The following FANK1 variants were observed in gnomAD, a reference collection of about 807,000 sequenced individuals.
The protein encoded by FANK1 is fibronectin type 3 and ankyrin repeat domains protein 1.
A neutral mutation model predicts 45.3 loss-of-function variants in FANK1; 44 were observed. The observed-to-expected ratio is 0.97, with a 90% CI of 0.76 to 1.25. FANK1 has a LOEUF of 1.25. FANK1 is among the 50% of genes most tolerant of loss of function. The probability of loss-of-function intolerance (pLI) is 0.00; values close to 1 mark genes in which losing one functional copy is unlikely to be tolerated. For synonymous variants in FANK1, 149 were observed against 152.5 expected (o/e 0.98, Z 0.17); for missense variants, 391 against 424.4 (o/e 0.92, Z 0.69).
rs1428791696 is a variant in FANK1 at position 125,919,223 on chromosome 10, T to TTTG, written c.13+22568_13+22569insTTG. Among the ~76,000 whole-genome samples, 146 of 133,326 alleles carry TTTG rather than the reference T, an allele frequency of 1.1e-3. 1 individual carries two copies. The highest frequency in any genetic ancestry group is 4.1e-3 in the African/African-American group (137 of 33,056). The allele number at this position is 133,326 out of a possible 152,430, so 87.5% of individuals were successfully genotyped here. The stretch of plus-strand genomic sequence containing the variant: ...TTTTTTTTTTTTTTTTTTTTTTTTT[T>TTTG]GTGACAGAGTCTTGCTCTGTCCCGC... On this transcript the variant is annotated intron_variant, in intron 1 of 10. Transcript: ENST00000368693.
intron 1 of FANK1, among the ~76,000 whole-genome samples, chr10:125,942,391 A>G (rs979129634): frequency 1.3e-5 from 2 of 152,218 alleles, no homozygotes; most frequent in African/African-American, 4.8e-5. Context: ...TAAAAGAACA[A>G]TTTATTCTTA....
intron 1 of FANK1, among the ~76,000 whole-genome samples, chr10:125,908,797 A>G (rs1945753286): frequency 1.3e-5 from 2 of 152,246 alleles, no homozygotes. Context: ...AAAAAAGAAC[A>G]TGTATTTTCT....
At chr10:125,924,405 C>T (rs1204732515) in intron 1 of FANK1, among the ~76,000 whole-genome samples, 1 of 151,790 alleles carries the variant, frequency 6.6e-6, no homozygotes, top group Non-Finnish European at 1.5e-5. Flanking sequence ...AGGTGTGCAC[C>T]ACCACGCCCA....
At chr10:125,943,004 G>C (rs1283989294) in intron 1 of FANK1, among the ~76,000 whole-genome samples, 1 of 151,760 alleles carries the variant, frequency 6.6e-6, no homozygotes, top group Non-Finnish European at 1.5e-5. Context: ...AATAGAGATG[G>C]GGTTTCACCA....
chr10:125,952,584 C>T (rs751696578), intron 1 of FANK1, among the ~76,000 whole-genome samples: 19 of 152,004 alleles, frequency 1.2e-4, no homozygotes, highest in Non-Finnish European at 2.2e-4. Context: ...CTTCTCTGTG[C>T]CTGGAAAATT....
chr10:125,943,696 G>A (rs1012755937), intron 1 of FANK1, among the ~76,000 whole-genome samples: 3 of 152,146 alleles, frequency 2.0e-5, no homozygotes, highest in African/African-American at 7.2e-5. Context: ...AAGATGTTGT[G>A]TACTTTGTGC....
Position 125,953,957 on chromosome 10 carries a change from A to G in FANK1, c.14-26204A>G, listed in dbSNP as rs558122928. ...CACTTAAAGGATTTCTCAGCAAGGC[A>G]AAATTTACTTCTGCAGAAGGGTGCT... On this transcript the variant is annotated intron_variant, in intron 1 of 10. Transcript: ENST00000368693. Among the ~76,000 whole-genome samples, 53 of 152,332 alleles carry G rather than the reference A, an allele frequency of 3.5e-4. No individual in the cohort carries two copies. The South Asian group carries it at 4.4e-3, about 13-fold the overall frequency.
At chr10:125,902,281 C>A (rs1462486210) in intron 1 of FANK1, among the ~76,000 whole-genome samples, 1 of 152,176 alleles carries the variant, frequency 6.6e-6, no homozygotes, top group Non-Finnish European at 1.5e-5. Context: ...ATAAAAAATT[C>A]TACTTTCTTC....
chr10:125,943,999 CTGAT>C (rs1187869591), intron 1 of FANK1, among the ~76,000 whole-genome samples: 2 of 152,206 alleles, frequency 1.3e-5, no homozygotes, highest in African/African-American at 4.8e-5. Context: ...TTTTACGTGA[CTGAT>C]TGCAAATGCA....
chr10:125,951,672 A>C (rs1949243508), intron 1 of FANK1, among the ~76,000 whole-genome samples: 1 of 152,220 alleles, frequency 6.6e-6, no homozygotes, highest in Non-Finnish European at 1.5e-5. Context: ...TTCAACCATC[A>C]GAGTTTTTAG....
intron 1 of FANK1, among the ~76,000 whole-genome samples, chr10:125,974,383 C>A (rs952920534): frequency 6.6e-6 from 1 of 152,134 alleles, no homozygotes; most frequent in Non-Finnish European, 1.5e-5. Context: ...AAGGGAAATA[C>A]AAGATCCTTT....
At chr10:126,006,729 G>A (rs1000174271) in intron 7 of FANK1, among the ~76,000 whole-genome samples, 3 of 152,100 alleles carry the variant, frequency 2.0e-5, no homozygotes, top group Admixed American at 1.3e-4. Context: ...GCGTGGTGGT[G>A]GGCACCTGTA....
chr10:126,003,039 C>T (rs1437355548), intron 6 of FANK1, among the ~76,000 whole-genome samples: 3 of 151,796 alleles, frequency 2.0e-5, no homozygotes, highest in East Asian at 1.9e-4. Flanking sequence ...TGGGGTGAGA[C>T]GTTCCCACAT....
chr10:125,952,530 G>C (rs1433353136), intron 1 of FANK1, among the ~76,000 whole-genome samples: 1 of 152,108 alleles, frequency 6.6e-6, no homozygotes, highest in Non-Finnish European at 1.5e-5. Flanking sequence ...GATCACCCTT[G>C]TGTGTATCAG....
intron 6 of FANK1, among the ~76,000 whole-genome samples, chr10:125,999,218 G>A (rs1206510520): frequency 1.4e-5 from 1 of 69,744 alleles, no homozygotes; most frequent in Non-Finnish European, 2.7e-5. Context: ...TTTTTTTTTT[G>A]AGACGGAATC....
chr10:126,002,929 A>G (rs375739149), intron 6 of FANK1, among the ~76,000 whole-genome samples: 1 of 151,968 alleles, frequency 6.6e-6, no homozygotes, highest in East Asian at 1.9e-4. Context: ...TAATTCCTTA[A>G]TATCACTGAT....
intron 1 of FANK1, among the ~76,000 whole-genome samples, chr10:125,937,523 A>G (rs995104469): frequency 6.6e-6 from 1 of 152,188 alleles, no homozygotes; most frequent in African/African-American, 2.4e-5. Flanking sequence ...TTTCATGTAT[A>G]AGCTTTAAGA....
At chr10:125,932,664 A>G (rs1947828821) in intron 1 of FANK1, among the ~76,000 whole-genome samples, 1 of 152,186 alleles carries the variant, frequency 6.6e-6, no homozygotes, top group Admixed American at 6.5e-5. Context: ...TCAGCAAACG[A>G]TAACAGTTTG....
At chr10:125,899,056 C>A (rs76326383) in intron 1 of FANK1, among the ~76,000 whole-genome samples, 1 of 151,752 alleles carries the variant, frequency 6.6e-6, no homozygotes, top group Non-Finnish European at 1.5e-5. Flanking sequence ...CACCATACCC[C>A]GCTAATTTAT....
Sources: allele counts gnomAD v4.1 joint callset (sites outside exome capture counted in the v4.1 genomes callset), GRCh38; gene constraint gnomAD v4.1.1; transcripts MANE v1.5; gene names NCBI Gene and HGNC (gene_info 2026-07-23, HGNC 2026-07-21).